The following MEGF10 variants were observed in gnomAD, a reference collection of about 807,000 sequenced individuals.
The protein encoded by MEGF10 is multiple epidermal growth factor-like domains protein 10.
A neutral mutation model predicts 147.5 loss-of-function variants in MEGF10; 86 were observed. The observed-to-expected ratio is 0.58, with a 90% CI of 0.49 to 0.70. The LOEUF is 0.70. Ranked by LOEUF, MEGF10 falls within the 30% of genes least tolerant of loss-of-function variation. MEGF10 has a pLI of 0.00. For synonymous variants in MEGF10, 478 were observed against 525.5 expected (o/e 0.91, Z 1.24); for missense variants, 1,329 against 1,487.3 (o/e 0.89, Z 1.75).
the MEGF10 span, among the ~76,000 whole-genome samples, chr5:127,262,448 C>T: frequency 6.6e-6 from 1 of 152,128 alleles, no homozygotes; most frequent in Non-Finnish European, 1.5e-5. Flanking sequence ...AGACGTCTAG[C>T]CCCTGTGATA....
rs376815672 is a variant in MEGF10 at position 127,369,947 on chromosome 5, T to C, written c.357T>C (p.Ile119=). The stretch of plus-strand genomic sequence containing the variant: ...ATAAATGTGTCCATGGTCGCTGTAT[T>C]GCTCCAAACACCTGTCAGTGTGAGC... ...CADKCVHGRC[I]APNTCQCEPG... Residue 119 remains isoleucine (I), a synonymous_variant, in exon 5 of 25, where the codon ATT becomes ATC. Transcript: ENST00000503335. 4.3e-6 allele frequency: 7 copies of C among 1,613,274 alleles called. No individual in the cohort carries two copies. In the African/African-American group the frequency reaches 9.3e-5, roughly 22 times the overall value.
At chr5:127,282,983 A>AT in the MEGF10 span, among the ~76,000 whole-genome samples, 12 of 151,752 alleles carry the variant, frequency 7.9e-5, no homozygotes, top group Non-Finnish European at 1.2e-4. Flanking sequence ...TATGGCTTTG[A>AT]TTTTTTTTTC....
chr5:127,457,061 G>T (rs1248068443), intron 24 of MEGF10, 67 bp from the exon 25 acceptor site: 13 of 1,435,232 alleles, frequency 9.1e-6, no homozygotes, highest in African/African-American at 2.8e-5. Context: ...ACATTTGCAA[G>T]AAATGCCATA....
At chr5:127,240,634 T>G in the MEGF10 span, among the ~76,000 whole-genome samples, 1 of 152,156 alleles carries the variant, frequency 6.6e-6, no homozygotes, top group Non-Finnish European at 1.5e-5. Flanking sequence ...CCTTGAAAAA[T>G]TGGTTAAGTC....
chr5:127,455,157 T>C lies in MEGF10; in HGVS notation c.3026-244T>C, dbSNP rs186206403. ...CGTAATTGATTATATTCTAATGTGA[T>C]CATAAAAATGAAATCAGTTAATGAT... On this transcript the variant is annotated intron_variant, in intron 23 of 24. Transcript: ENST00000503335. Among the ~76,000 whole-genome samples, 158 of 152,300 alleles carry C rather than the reference T, an allele frequency of 1.0e-3. 1 individual carries two copies. In the Middle Eastern group the frequency reaches 0.014, roughly 13 times the overall value.
At chr5:127,317,034 C>A (rs1760579279) in intron 1 of MEGF10, among the ~76,000 whole-genome samples, 1 of 152,114 alleles carries the variant, frequency 6.6e-6, no homozygotes, top group African/African-American at 2.4e-5. Flanking sequence ...AATCAAGTAC[C>A]TGAGAATTGT....
intron 23 of MEGF10, 22 bp from the exon 24 acceptor site, chr5:127,455,379 C>T: frequency 6.3e-7 from 1 of 1,598,014 alleles, no homozygotes; most frequent in Non-Finnish European, 8.6e-7. Context: ...CATTAGCTTT[C>T]TCTTCTCATT....
At chr5:127,411,582 G>A (rs1350997320) in intron 9 of MEGF10, among the ~76,000 whole-genome samples, 1 of 152,122 alleles carries the variant, frequency 6.6e-6, no homozygotes, top group Non-Finnish European at 1.5e-5. Context: ...GCGCATATGT[G>A]TGCTGTAATA....
Position 127,344,630 on chromosome 5 carries a change from C to T in MEGF10, c.319+4000C>T, listed in dbSNP as rs958196785. On this transcript the variant is annotated intron_variant, in intron 4 of 24. Coordinates refer to ENST00000503335, the MANE Select transcript of MEGF10 (RefSeq NM_001256545.2). The stretch of plus-strand genomic sequence containing the variant: ...CATGACTTCAAATATTTAAATAAAA[C>T]ATACGTATTAAATAATTTCGACTTG... Among the ~76,000 whole-genome samples, 20 of 151,880 alleles carry T rather than the reference C, an allele frequency of 1.3e-4. 1 individual carries two copies. The highest frequency in any genetic ancestry group is 6.6e-5 in the Admixed American group (1 of 15,240).
chr5:127,451,847 A>T (rs183013790), intron 22 of MEGF10, among the ~76,000 whole-genome samples: 52 of 152,324 alleles, frequency 3.4e-4, no homozygotes, highest in African/African-American at 1.3e-3. Flanking sequence ...CAAAGGACAG[A>T]GTCAGGCATG....
chr5:127,274,461 G>A, the MEGF10 span, among the ~76,000 whole-genome samples: 1 of 151,980 alleles, frequency 6.6e-6, no homozygotes, highest in African/African-American at 2.4e-5. Flanking sequence ...GCATTTAGAA[G>A]TAAAGTATTT....
intron 5 of MEGF10, among the ~76,000 whole-genome samples, chr5:127,391,129 CACACACACACACACACACACACACAT>C (rs1763668412): frequency 1.6e-5 from 2 of 126,642 alleles, no homozygotes; most frequent in African/African-American, 5.5e-5. Flanking sequence ...CACACACACA[CACACACACACACACACACACACACAT>C]ACATGCTTAT....
chr5:127,244,932 T>A, the MEGF10 span, among the ~76,000 whole-genome samples: 3 of 151,774 alleles, frequency 2.0e-5, no homozygotes, highest in African/African-American at 7.3e-5. Context: ...AAAATAGCAG[T>A]GAGCTGCTCA....
intron 7 of MEGF10, among the ~76,000 whole-genome samples, chr5:127,399,983 C>T (rs2126929254): frequency 6.6e-6 from 1 of 152,332 alleles, no homozygotes; most frequent in South Asian, 2.1e-4. Flanking sequence ...AGACACAAAG[C>T]CACCGTCTCT....
chr5:127,414,605 G>T (rs1174397502), intron 9 of MEGF10, among the ~76,000 whole-genome samples: 1 of 152,138 alleles, frequency 6.6e-6, no homozygotes, highest in African/African-American at 2.4e-5. Flanking sequence ...TATATACTGA[G>T]GATAATTTAA....
chr5:127,323,357 AT>A (rs1760868198), intron 1 of MEGF10, among the ~76,000 whole-genome samples: 1 of 152,210 alleles, frequency 6.6e-6, no homozygotes, highest in Non-Finnish European at 1.5e-5. Context: ...TGGCCAGATA[AT>A]CTGGGATGGT....
At chr5:127,398,207 A>G (rs1258315640) in intron 6 of MEGF10, among the ~76,000 whole-genome samples, 2 of 152,110 alleles carry the variant, frequency 1.3e-5, no homozygotes, top group East Asian at 1.9e-4. Flanking sequence ...TATTCTGCAC[A>G]TGTATCCTGG....
chr5:127,233,491 A>G, the MEGF10 span, among the ~76,000 whole-genome samples: 1 of 152,240 alleles, frequency 6.6e-6, no homozygotes, highest in East Asian at 1.9e-4. Context: ...TAAGGCGGCA[A>G]TTAGCCTGGC....
At position 127,435,413 on chromosome 5, in the gene MEGF10, C is replaced by G; in HGVS notation, c.2028C>G (p.Thr676=). Residue 676 remains threonine, a synonymous_variant, in exon 16 of 25, where the codon ACC becomes ACG. Transcript: ENST00000503335. ...ACTGTGCAGGAATTTGTACCTGCACCAACAACGGAACCTGTAACCCCATTG... is the reference window on the plus strand; with the variant it reads ...ACTGTGCAGGAATTTGTACCTGCACGAACAACGGAACCTGTAACCCCATTG... ...GKNCAGICTC[T]NNGTCNPIDR... The G allele has an allele frequency of 1.9e-6, 3 of 1,614,052 alleles. No individual in the cohort carries two copies. Among genetic ancestry groups the G allele is most frequent in the Non-Finnish European group, 2.5e-6 (3 of 1,179,988 alleles).
Sources: allele counts gnomAD v4.1 joint callset (sites outside exome capture counted in the v4.1 genomes callset), GRCh38; gene constraint gnomAD v4.1.1; transcripts MANE v1.5; gene names NCBI Gene and HGNC (gene_info 2026-07-23, HGNC 2026-07-21).